Variants in CENPE observed in about 807,000 individuals in gnomAD.
CENPE encodes the protein centromere-associated protein E.
A neutral mutation model predicts 336.1 loss-of-function variants in CENPE; 145 were observed. The ratio of observed to expected loss-of-function variants is 0.43; its 90% CI spans 0.38 to 0.50. The LOEUF (loss-of-function observed/expected upper bound fraction) is 0.50, where lower values mean the gene tolerates loss of function less well. Among genes scored for constraint, CENPE ranks in the 20% least tolerant of loss-of-function variants. The probability of loss-of-function intolerance (pLI) is 0.00; values close to 1 mark genes in which losing one functional copy is unlikely to be tolerated. For synonymous variants in CENPE, 1,013 were observed against 984.8 expected, an observed-to-expected ratio of 1.03 and a Z score of -0.54; for missense variants, 2,719 against 3,023.3, an observed-to-expected ratio of 0.90 and a Z score of 2.36.
chr4:103,171,781 T>C (rs929262280), intron 16 of CENPE, among the ~76,000 whole-genome samples: 2 of 147,966 alleles, frequency 1.4e-5, no homozygotes, highest in African/African-American at 5.0e-5. Flanking sequence ...TCGACTCAAA[T>C]AAATAAAATC....
chr4:103,120,232 A>G lies in CENPE; in HGVS notation c.7245T>C (p.Asn2415=), dbSNP rs778727526. 2 of 1,612,676 alleles carry G rather than the reference A, an allele frequency of 1.2e-6. No individual in the cohort carries two copies. Among genetic ancestry groups the G allele is most frequent in the Non-Finnish European group, 1.7e-6 (2 of 1,179,284 alleles). The change falls in exon 44 of 49, where the codon AAT becomes AAC. Residue 2415 remains asparagine, a synonymous_variant. Coordinates refer to ENST00000265148, the MANE Select transcript of CENPE (RefSeq NM_001813.3). ...IKMQKELEVT[N]DIIAKLQAKV... is the part of the protein sequence containing the mutation. Reference sequence around the variant, plus strand: ...TGGCTTGAAGTTTTGCTATTATGTCATTAGTCACCTCAAGTTCTTTCTGCA... The same window carrying G: ...TGGCTTGAAGTTTTGCTATTATGTCGTTAGTCACCTCAAGTTCTTTCTGCA...
chr4:103,121,234 AC>A (rs1433632393), intron 43 of CENPE, among the ~76,000 whole-genome samples: 2 of 152,234 alleles, frequency 1.3e-5, no homozygotes, highest in Non-Finnish European at 1.5e-5. Flanking sequence ...TAGTATACAC[AC>A]AATATACTAA....
intron 8 of CENPE, among the ~76,000 whole-genome samples, chr4:103,190,629 T>C (rs1578694010): frequency 2.0e-5 from 3 of 152,298 alleles, no homozygotes; most frequent in Admixed American, 6.5e-5. Flanking sequence ...TTACACCTTA[T>C]ACAAAAATTA....
rs1754205478 is a variant in CENPE at position 103,159,087 on chromosome 4, T to G, written c.2524A>C (p.Arg842=). 3 of 1,573,092 alleles carry G rather than the reference T, an allele frequency of 1.9e-6. No homozygotes were observed. The highest frequency in any genetic ancestry group is 1.2e-5 in the South Asian group (1 of 82,930). Residue 842 remains arginine (R), a synonymous_variant, in exon 22 of 49, where the codon AGA becomes CGA. Transcript: ENST00000265148. The part of the protein sequence containing the change: ...KYKMVLEENE[R]MNQEIVNLSK... ...AGATTAACTATTTCCTGATTCATTCTCTCATTCTCCTCAAGGACCATCTTA... is the reference window on the plus strand; with the variant it reads ...AGATTAACTATTTCCTGATTCATTCGCTCATTCTCCTCAAGGACCATCTTA...
At chr4:103,113,609 AAAG>A (rs1011334229) in intron 46 of CENPE, among the ~76,000 whole-genome samples, 31 of 144,354 alleles carry the variant, frequency 2.1e-4, no homozygotes, top group African/African-American at 6.6e-4. Flanking sequence ...TGTAAGTAAT[AAAG>A]AAGTAATAGA....
rs1750770718 is a variant in CENPE at position 103,122,986 on chromosome 4, A to T, written c.7028T>A (p.Phe2343Tyr). 6.2e-7 allele frequency: 1 copy of T among 1,613,846 alleles called. No individual in the cohort carries two copies. Among genetic ancestry groups the T allele is most frequent in the Non-Finnish European group, 8.5e-7 (1 of 1,179,814 alleles). ...KSLKEKNEKL[F>Y]KNYQTLKTSL... ...AGTCTTCAATGTTTGGTAGTTTTTA[A>T]ATAGTTTTTCATTTTTCTCTTTCAG... Residue 2343 changes from phenylalanine (F) to tyrosine (Y), a missense_variant, in exon 43 of 49, where the codon TTT (phenylalanine) becomes TAT (tyrosine). By Grantham distance (22) the Phe-to-Tyr change is conservative. Transcript: ENST00000265148.
In CENPE at chr4:103,140,238, G is replaced by GAACAA. The variant is rs751743366; in HGVS notation, c.5913+13_5913+17dup. 6.4e-7 allele frequency: 1 copy of GAACAA among 1,573,414 alleles called. No homozygotes were observed. Among genetic ancestry groups the GAACAA allele is most frequent in the East Asian group, 2.2e-5 (1 of 44,512 alleles). ...TTGGGCACAGTTACTTCCAAAAGAA[G>GAACAA]AACAAAACAACACATACCTTTTTCT... On this transcript the variant is annotated intron_variant, in intron 37 of 48. Coordinates refer to ENST00000265148, the MANE Select transcript of CENPE (RefSeq NM_001813.3).
At chr4:103,115,731 CTT>C (rs749115745) in intron 45 of CENPE, among the ~76,000 whole-genome samples, 18 of 137,980 alleles carry the variant, frequency 1.3e-4, no homozygotes, top group Admixed American at 1.5e-4. Flanking sequence ...GAACATATTT[CTT>C]TTTTTTTTTT....
At chr4:103,142,990 C>A (rs934626201) in intron 34 of CENPE, among the ~76,000 whole-genome samples, 28 of 115,436 alleles carry the variant, frequency 2.4e-4, no homozygotes, top group African/African-American at 8.9e-4. Flanking sequence ...GGCGACAGAG[C>A]GAGACTCTGT....
At position 103,136,091 on chromosome 4, in the gene CENPE, G is replaced by A. The variant is rs2720463; in HGVS notation, c.6522+50C>T. The A allele has an allele frequency of 0.19, 274,134 of 1,437,696 alleles. 27,770 individuals carry two copies. Among genetic ancestry groups the A allele is most frequent in the Non-Finnish European group, 0.2 (210,230 of 1,038,544 alleles). 89.1% of individuals were successfully genotyped at this position (1,437,696 alleles called of 1,614,324 possible). Reference sequence around the variant, plus strand: ...ACCTGAAGCAGGACTTAAATACATTGATGTTTATAACTGAAATATTTAAAA... The same window carrying A: ...ACCTGAAGCAGGACTTAAATACATTAATGTTTATAACTGAAATATTTAAAA... On this transcript the variant is annotated intron_variant, in intron 40 of 48. Coordinates refer to ENST00000265148, the MANE Select transcript of CENPE (RefSeq NM_001813.3).
intron 46 of CENPE, among the ~76,000 whole-genome samples, chr4:103,113,802 A>G (rs1483248551): frequency 6.6e-6 from 1 of 150,954 alleles, no homozygotes; most frequent in African/African-American, 2.4e-5. Flanking sequence ...CCACGATTTC[A>G]TATAGCCATT....
intron 16 of CENPE, among the ~76,000 whole-genome samples, chr4:103,166,946 G>A (rs981725472): frequency 6.6e-6 from 1 of 152,132 alleles, no homozygotes; most frequent in African/African-American, 2.4e-5. Flanking sequence ...CCTAAAGTCT[G>A]ATGGTTTCTG....
chr4:103,166,117 G>A (rs932237488), intron 16 of CENPE, among the ~76,000 whole-genome samples: 3 of 152,082 alleles, frequency 2.0e-5, no homozygotes, highest in East Asian at 1.9e-4. Context: ...TATCCCAAAC[G>A]TTAGTTTTAT....
At chr4:103,117,293 G>A (rs546864421) in intron 44 of CENPE, among the ~76,000 whole-genome samples, 129 of 152,104 alleles carry the variant, frequency 8.5e-4, no homozygotes, top group Non-Finnish European at 1.5e-3. Context: ...TGTTATAAGT[G>A]ATGAATATTG....
intron 9 of CENPE, among the ~76,000 whole-genome samples, chr4:103,183,504 T>C (rs1412649294): frequency 6.6e-6 from 1 of 151,172 alleles, no homozygotes; most frequent in African/African-American, 2.4e-5. Context: ...CTGAGAAAAA[T>C]AGTAAAAAGA....
intron 42 of CENPE, among the ~76,000 whole-genome samples, chr4:103,127,705 G>C (rs976331322): frequency 2.0e-5 from 3 of 152,102 alleles, no homozygotes; most frequent in African/African-American, 7.2e-5. Context: ...AGTGTTATTT[G>C]AAATTGGGCT....
intron 28 of CENPE, among the ~76,000 whole-genome samples, chr4:103,148,380 T>C (rs188350081): frequency 3.1e-4 from 47 of 152,334 alleles, no homozygotes; most frequent in Middle Eastern, 3.4e-3. Context: ...CCATGATAAA[T>C]TAGTGGTACC....
intron 40 of CENPE, among the ~76,000 whole-genome samples, chr4:103,135,050 T>C (rs1375964234): frequency 6.6e-6 from 1 of 152,226 alleles, no homozygotes; most frequent in Non-Finnish European, 1.5e-5. Context: ...GTACTTTTGC[T>C]AGTTTCTCTC....
chr4:103,120,032 CAT>C, intron 44 of CENPE, 114 bp downstream of exon 44: 1 of 686,350 alleles, frequency 1.5e-6, no homozygotes. Context: ...TTCAGAAACA[CAT>C]AGGTAACAGT....
Sources: allele counts gnomAD v4.1 joint callset (sites outside exome capture counted in the v4.1 genomes callset), GRCh38; gene constraint gnomAD v4.1.1; transcripts MANE v1.5; gene names NCBI Gene and HGNC (gene_info 2026-07-23, HGNC 2026-07-21).